The following DZIP1 variants were observed in gnomAD, a reference collection of about 807,000 sequenced individuals.
DZIP1 encodes the protein cilium assembly protein DZIP1.
DZIP1 carries 97 observed loss-of-function variants against 107.6 expected under a neutral mutation model. The ratio of observed to expected loss-of-function variants is 0.90; its 90% CI spans 0.77 to 1.07. The LOEUF is 1.07. Ranked by LOEUF, DZIP1 falls within the 50% of genes least tolerant of loss-of-function variation. The pLI is 0.00. For synonymous variants in DZIP1, 390 were observed against 386.4 expected (o/e 1.01, Z -0.11); for missense variants, 1,035 against 1,063.6 (o/e 0.97, Z 0.37).
chr13:95,587,464 A>C, intron 20 of DZIP1, 75 bp downstream of exon 20: 2 of 1,546,228 alleles, frequency 1.3e-6, no homozygotes, highest in South Asian at 1.3e-5. Flanking sequence ...TCAGACTCCC[A>C]GTGCTCGGTA....
At chr13:95,595,765 T>A (rs529964826) in intron 15 of DZIP1, among the ~76,000 whole-genome samples, 6 of 152,142 alleles carry the variant, frequency 3.9e-5, no homozygotes, top group Non-Finnish European at 8.8e-5. Flanking sequence ...ATATCTCAGA[T>A]AATGAAGGAC....
Position 95,587,823 on chromosome 13 carries a change from TTCTC to T in DZIP1, c.2028-98_2028-95del, listed in dbSNP as rs947012774. On this transcript the variant is annotated intron_variant, in intron 19 of 22. Transcript: ENST00000376829. ...TGTGCCTCTTAAAGTGGTGGCACCT[TTCTC>T]AGGTAATTCTCAGTGGGCACAAGTG... is the stretch of plus-strand genomic sequence containing the variant. 5.0e-6 allele frequency: 7 copies of T among 1,404,372 alleles called. No homozygotes were observed. In the African/African-American group the frequency reaches 1.0e-4, roughly 20 times the overall value. 87.0% of individuals were successfully genotyped at this position (1,404,372 alleles called of 1,614,324 possible). A position where few individuals can be genotyped will look rare whatever the true frequency, so the allele number is the denominator to read the frequency against.
At chr13:95,589,344 C>T (rs2044248817) in intron 18 of DZIP1, 137 bp from the exon 19 acceptor site, 1 of 660,138 alleles carries the variant, frequency 1.5e-6, no homozygotes, top group Admixed American at 2.9e-5. Flanking sequence ...CACCCAGCGT[C>T]AGTTAGAGAC....
intron 8 of DZIP1, among the ~76,000 whole-genome samples, chr13:95,623,972 T>C (rs943308706): frequency 4.0e-5 from 6 of 151,796 alleles, no homozygotes. Context: ...TAAAAACTAT[T>C]CTTATGTCAG....
intron 9 of DZIP1, 64 bp from the exon 10 acceptor site, chr13:95,620,011 G>A: frequency 6.4e-7 from 1 of 1,560,520 alleles, no homozygotes; most frequent in Non-Finnish European, 8.7e-7. Flanking sequence ...CAATATGGGA[G>A]CTTCCTTTTT....
chr13:95,594,681 A>G (rs556673168), intron 15 of DZIP1, among the ~76,000 whole-genome samples: 12 of 152,292 alleles, frequency 7.9e-5, no homozygotes, highest in African/African-American at 2.2e-4. Context: ...TTTAGTTACT[A>G]GAAGCTAAGT....
intron 1 of DZIP1, among the ~76,000 whole-genome samples, chr13:95,643,953 C>T (rs1878815079): frequency 6.6e-6 from 1 of 152,210 alleles, no homozygotes; most frequent in Non-Finnish European, 1.5e-5. Flanking sequence ...CCCGAGGTAC[C>T]CATCTCCGTT....
At chr13:95,606,111 G>C in intron 13 of DZIP1, 52 bp from the exon 14 acceptor site, 1 of 1,588,672 alleles carries the variant, frequency 6.3e-7, no homozygotes, top group African/African-American at 1.3e-5. Flanking sequence ...TAAAGCATAA[G>C]CATCCGAACA....
chr13:95,587,541 G>C lies in DZIP1; in HGVS notation c.2216C>G (p.Ala739Gly). Residue 739 changes from alanine to glycine, a missense_variant and splice_region_variant, in exon 20 of 23, where the codon GCA (alanine) becomes GGA (glycine). Transcript: ENST00000376829. ...IEDTDDSPKP[A>G]GVAVKTPTEK... is the part of the protein sequence containing the mutation. ...AGTTTTCCAAGGTAACAGCTCACCT[G>C]CGGGCTTGGGAGAATCATCAGTGTC... The C allele has an allele frequency of 6.2e-7, 1 of 1,613,824 alleles. No homozygotes were observed. Among genetic ancestry groups the C allele is most frequent in the Non-Finnish European group, 8.5e-7 (1 of 1,179,816 alleles).
chr13:95,611,439 A>G lies in DZIP1; in HGVS notation c.1363+6T>C. ...TGCCGCCAGTACCGGGATCCCATCCACTTACCTTTGGGTTCACTGATACTG... is the reference window on the plus strand; with the variant it reads ...TGCCGCCAGTACCGGGATCCCATCCGCTTACCTTTGGGTTCACTGATACTG... On this transcript the variant is annotated splice_donor_region_variant and intron_variant, in intron 12 of 22. Coordinates refer to ENST00000376829, the MANE Select transcript of DZIP1 (RefSeq NM_198968.4). 6.2e-7 allele frequency: 1 copy of G among 1,613,084 alleles called. No homozygotes were observed. Among genetic ancestry groups the G allele is most frequent in the Non-Finnish European group, 8.5e-7 (1 of 1,179,104 alleles).
At chr13:95,628,537 T>C (rs1876827232) in intron 7 of DZIP1, among the ~76,000 whole-genome samples, 1 of 152,180 alleles carries the variant, frequency 6.6e-6, no homozygotes, top group Non-Finnish European at 1.5e-5. Flanking sequence ...CGCTACTGGA[T>C]TGTACACTGT....
chr13:95,636,482 G>T (rs982595557), intron 5 of DZIP1, among the ~76,000 whole-genome samples: 18 of 148,272 alleles, frequency 1.2e-4, no homozygotes, highest in African/African-American at 3.7e-4. Context: ...GGTGGAGGTT[G>T]CAGTGAGACA....
At chr13:95,597,462 A>G (rs1487357092) in intron 15 of DZIP1, among the ~76,000 whole-genome samples, 1 of 152,216 alleles carries the variant, frequency 6.6e-6, no homozygotes, top group Non-Finnish European at 1.5e-5. Flanking sequence ...TCAGAACTCA[A>G]ATAGGGTAAG....
chr13:95,609,449 G>A lies in DZIP1; in HGVS notation c.1420+8C>T, dbSNP rs768847254. ...CTTTGGAGCCCTGCATCTATTATAG[G>A]AACTTACTAGGCACAGCTGGAGCAG... On this transcript the variant is annotated splice_region_variant and intron_variant, in intron 13 of 22. Coordinates refer to ENST00000376829, the MANE Select transcript of DZIP1 (RefSeq NM_198968.4). 1.9e-6 allele frequency: 3 copies of A among 1,555,278 alleles called. No homozygotes were observed. Among genetic ancestry groups the A allele is most frequent in the South Asian group, 1.2e-5 (1 of 81,342 alleles).
intron 10 of DZIP1, among the ~76,000 whole-genome samples, chr13:95,618,820 A>G (rs1594708041): frequency 6.6e-6 from 1 of 152,258 alleles, no homozygotes; most frequent in Non-Finnish European, 1.5e-5. Flanking sequence ...TTCCATTCAG[A>G]AAAGATTTAC....
chr13:95,592,046 G>T (rs951942372), intron 16 of DZIP1, among the ~76,000 whole-genome samples: 1 of 152,138 alleles, frequency 6.6e-6, no homozygotes, highest in African/African-American at 2.4e-5. Flanking sequence ...AAATCCAAAT[G>T]TATATAGGGA....
At chr13:95,584,628 T>C (rs1306209690) in intron 22 of DZIP1, 108 bp downstream of exon 22, 1 of 1,474,376 alleles carries the variant, frequency 6.8e-7, no homozygotes, top group Non-Finnish European at 9.0e-7. Flanking sequence ...CACTGACAGC[T>C]TTTTTGTCTG....
chr13:95,641,888 G>A lies in DZIP1; in HGVS notation c.37-33C>T, dbSNP rs1878572282. The A allele has an allele frequency of 6.9e-7, 1 of 1,441,634 alleles. No individual in the cohort carries two copies. The highest frequency in any genetic ancestry group is 1.5e-5 in the African/African-American group (1 of 66,036). 89.3% of individuals were successfully genotyped at this position (1,441,634 alleles called of 1,614,324 possible). The stretch of plus-strand genomic sequence containing the variant: ...GGGCACAAAGAGAGCGCGGCGGGAG[G>A]CGGGGATGGGGGGCGGGCAGGCTGG... On this transcript the variant is annotated intron_variant, in intron 4 of 22. Coordinates refer to ENST00000376829, the MANE Select transcript of DZIP1 (RefSeq NM_198968.4). The surrounding 1 kb of genome is among the most constrained non-coding windows in gnomAD (Gnocchi z 4.3).
At chr13:95,619,687 G>GAA (rs58256706) in intron 10 of DZIP1, among the ~76,000 whole-genome samples, 198 bp downstream of exon 10, 5 of 134,230 alleles carry the variant, frequency 3.7e-5, no homozygotes, top group Non-Finnish European at 8.1e-5. Context: ...AGTTTCATGA[G>GAA]AAAAAAAAAA....
Sources: allele counts gnomAD v4.1 joint callset (sites outside exome capture counted in the v4.1 genomes callset), GRCh38; gene constraint gnomAD v4.1.1; non-coding constraint Gnocchi (gnomAD v3.1); transcripts MANE v1.5; gene names NCBI Gene and HGNC (gene_info 2026-07-23, HGNC 2026-07-21).